SNTG1: variants seen among roughly 807,000 people sequenced by gnomAD.
SNTG1 encodes syntrophin gamma 1, also known as gamma-1-syntrophin.
In SNTG1, 39 loss-of-function variants were observed where a neutral mutation model predicts 74.7. That is an observed-to-expected ratio of 0.52 (90% CI 0.40 to 0.68). The LOEUF (loss-of-function observed/expected upper bound fraction) is 0.68, where lower values mean the gene tolerates loss of function less well. SNTG1 is among the 30% of genes least tolerant of loss of function. SNTG1 has a pLI of 0.00. For missense variants in SNTG1, 685 were observed against 609.5 expected (o/e 1.12, Z -1.30); for synonymous variants, 254 against 217.1 (o/e 1.17, Z -1.49).
chr8:50,602,345 T>G (rs2094781228), intron 13 of SNTG1, among the ~76,000 whole-genome samples: 1 of 152,164 alleles, frequency 6.6e-6, no homozygotes, highest in African/African-American at 2.4e-5. Context: ...CTCGTAATTT[T>G]AAACTAATGA....
chr8:50,135,304 C>T (rs570114247), intron 1 of SNTG1, among the ~76,000 whole-genome samples: 1 of 152,166 alleles, frequency 6.6e-6, no homozygotes, highest in Non-Finnish European at 1.5e-5. Flanking sequence ...ACATTCTTAA[C>T]ATTCCATCAT....
Position 50,431,908 on chromosome 8 carries a change from T to C in SNTG1, c.163-6635T>C, listed in dbSNP as rs539170638. Reference sequence around the variant, plus strand: ...TTCTTACTGAGTGTTATGAGTTATTTGTATATTTTGGATACAAGTCTTCTA... The same window carrying C: ...TTCTTACTGAGTGTTATGAGTTATTCGTATATTTTGGATACAAGTCTTCTA... On this transcript the variant is annotated intron_variant, in intron 4 of 18. Coordinates refer to ENST00000642720, the MANE Select transcript of SNTG1 (RefSeq NM_018967.5). Among the ~76,000 whole-genome samples the C allele has an allele frequency of 1.3e-3, 192 of 152,328 alleles. 1 individual carries two copies. Among genetic ancestry groups the C allele is most frequent in the African/African-American group, 4.4e-3 (184 of 41,572 alleles).
intron 2 of SNTG1, among the ~76,000 whole-genome samples, chr8:50,271,206 A>G (rs1195358733): frequency 6.6e-6 from 1 of 152,184 alleles, no homozygotes; most frequent in Non-Finnish European, 1.5e-5. Context: ...AGCTTTTGGT[A>G]TATCATCCCT....
intron 18 of SNTG1, among the ~76,000 whole-genome samples, chr8:50,773,520 G>T (rs543466717): frequency 6.6e-6 from 1 of 152,196 alleles, no homozygotes; most frequent in Admixed American, 6.5e-5. Context: ...GTAATTTACA[G>T]AAATATTGGT....
At chr8:50,029,740 A>G (rs2130744096) in intron 1 of SNTG1, among the ~76,000 whole-genome samples, 1 of 152,190 alleles carries the variant, frequency 6.6e-6, no homozygotes, top group South Asian at 2.1e-4. Context: ...TCCTTTATTC[A>G]TTAGTCTGTT....
chr8:50,224,109 A>T (rs189711128), intron 2 of SNTG1, among the ~76,000 whole-genome samples: 3 of 152,344 alleles, frequency 2.0e-5, no homozygotes, highest in Admixed American at 1.3e-4. Flanking sequence ...AATAATGAAT[A>T]ATGTAAGACA....
At position 50,142,475 on chromosome 8, in the gene SNTG1, T is replaced by TTATATATA. The variant is rs10552210; in HGVS notation, c.-102-30072_-102-30065dup. Among the ~76,000 whole-genome samples, 6 of 147,258 alleles carry TTATATATA rather than the reference T, an allele frequency of 4.1e-5. No homozygotes were observed. The East Asian group carries it at 1.0e-3, about 25-fold the overall frequency. On this transcript the variant is annotated intron_variant, in intron 1 of 18. Transcript: ENST00000642720. ...TAACACAAACCTGCAATTAAAAAGA[T>TTATATATA]TATATATATATATATATATATTTGG...
chr8:50,682,408 C>G (rs962319617), intron 15 of SNTG1, among the ~76,000 whole-genome samples: 2 of 151,854 alleles, frequency 1.3e-5, no homozygotes, highest in African/African-American at 2.4e-5. Flanking sequence ...CCAGAGGTGA[C>G]TCAGGTCAAA....
rs552719749 is a variant in SNTG1 at position 50,653,905 on chromosome 8, A to G, written c.850-3004A>G. Among the ~76,000 whole-genome samples the G allele has an allele frequency of 5.3e-5, 8 of 152,322 alleles. 1 individual carries two copies. In the East Asian group the frequency reaches 1.5e-3, roughly 29 times the overall value. ...GAAGCTAAACGATGTGTGGTATTAC[A>G]GGAGAGTAAATGTGGAAACATATAT... On this transcript the variant is annotated intron_variant, in intron 13 of 18. Coordinates refer to ENST00000642720, the MANE Select transcript of SNTG1 (RefSeq NM_018967.5).
chr8:50,624,770 T>C (rs2094946018), intron 13 of SNTG1, among the ~76,000 whole-genome samples: 1 of 152,146 alleles, frequency 6.6e-6, no homozygotes, highest in African/African-American at 2.4e-5. Context: ...TGTAGGTTAG[T>C]TTTTTCTATT....
rs1043355562 is a variant in SNTG1, at chr8:50,409,681, A to G, written c.162+7337A>G. Among the ~76,000 whole-genome samples the G allele has an allele frequency of 2.6e-5, 4 of 152,326 alleles. No homozygotes were observed. In the South Asian group the frequency reaches 8.3e-4, roughly 32 times the overall value. Reference sequence around the variant, plus strand: ...AATGGTTTACCACTCTAAGTCAGAGATATCTGTGGCTGTTCTCATGGTAGT... The same window carrying G: ...AATGGTTTACCACTCTAAGTCAGAGGTATCTGTGGCTGTTCTCATGGTAGT... On this transcript the variant is annotated intron_variant, in intron 4 of 18. Coordinates refer to ENST00000642720, the MANE Select transcript of SNTG1 (RefSeq NM_018967.5).
intron 2 of SNTG1, among the ~76,000 whole-genome samples, chr8:50,233,293 A>G (rs1211540855): frequency 1.3e-5 from 2 of 151,690 alleles, no homozygotes; most frequent in Non-Finnish European, 3.0e-5. Context: ...AATATTCAAA[A>G]GCAATTAAAT....
At chr8:50,044,877 A>C (rs1384787185) in intron 1 of SNTG1, among the ~76,000 whole-genome samples, 1 of 152,226 alleles carries the variant, frequency 6.6e-6, no homozygotes. Flanking sequence ...TTATAAGGAA[A>C]TTTTCAATTT....
At chr8:50,330,801 G>A (rs937101215) in intron 2 of SNTG1, among the ~76,000 whole-genome samples, 1 of 152,084 alleles carries the variant, frequency 6.6e-6, no homozygotes, top group Non-Finnish European at 1.5e-5. Context: ...GTGGGGAGGA[G>A]GAACTGACAA....
intron 2 of SNTG1, among the ~76,000 whole-genome samples, chr8:50,392,917 GT>G (rs2092681354): frequency 6.6e-6 from 1 of 151,952 alleles, no homozygotes; most frequent in South Asian, 2.1e-4. Flanking sequence ...TATTTCTCTG[GT>G]TGCTTTTTAG....
chr8:50,673,855 A>G (rs1231990454), intron 15 of SNTG1, among the ~76,000 whole-genome samples: 1 of 152,160 alleles, frequency 6.6e-6, no homozygotes, highest in Non-Finnish European at 1.5e-5. Context: ...TGTTCCATCA[A>G]TACCTAGTTT....
intron 13 of SNTG1, among the ~76,000 whole-genome samples, chr8:50,613,734 A>G (rs911035873): frequency 1.3e-5 from 2 of 151,730 alleles, no homozygotes; most frequent in Non-Finnish European, 2.9e-5. Flanking sequence ...ATTTTTTCCA[A>G]CTCTTCTTTT....
chr8:49,988,997 G>A (rs368514513), intron 1 of SNTG1, among the ~76,000 whole-genome samples: 1 of 151,854 alleles, frequency 6.6e-6, no homozygotes, highest in East Asian at 1.9e-4. Flanking sequence ...AAATTCTTGA[G>A]GTGATGCATA....
At chr8:50,487,721 G>C (rs1227201272) in intron 8 of SNTG1, among the ~76,000 whole-genome samples, 1 of 151,678 alleles carries the variant, frequency 6.6e-6, no homozygotes, top group Non-Finnish European at 1.5e-5. Flanking sequence ...AGCACTGGGA[G>C]ATATACCTAA....
Sources: gnomAD v4.1 joint callset for allele counts (sites outside exome capture counted in the v4.1 genomes callset) on GRCh38, gnomAD v4.1.1 for gene constraint, MANE v1.5 for transcripts, NCBI Gene and HGNC (gene_info 2026-07-23, HGNC 2026-07-21) for gene names.